Variants in AXL observed in about 807,000 individuals in gnomAD.
AXL encodes AXL receptor tyrosine kinase, also known as tyrosine-protein kinase receptor UFO.
Under a neutral mutation model 104.5 loss-of-function variants are expected in AXL, and 52 were observed. The ratio of observed to expected loss-of-function variants is 0.50; its 90% CI spans 0.40 to 0.63. The LOEUF (loss-of-function observed/expected upper bound fraction) is 0.63, where lower values mean the gene tolerates loss of function less well. Ranked by LOEUF, AXL falls within the 20% of genes least tolerant of loss-of-function variation. The pLI, the probability that AXL is intolerant of heterozygous loss-of-function variation, is 0.00. For synonymous variants in AXL, 455 were observed against 473.7 expected (o/e 0.96, Z 0.51); for missense variants, 1,024 against 1,188.5 (o/e 0.86, Z 2.04).
chr19:41,244,597 G>A (rs191904977), intron 12 of AXL, among the ~76,000 whole-genome samples: 1 of 151,484 alleles, frequency 6.6e-6, no homozygotes. Context: ...CTTATGCCTC[G>A]GCCTCCCGAA....
chr19:41,225,638 G>A (rs963078281), intron 4 of AXL, among the ~76,000 whole-genome samples: 4 of 152,158 alleles, frequency 2.6e-5, no homozygotes, highest in African/African-American at 9.7e-5. Context: ...TTTGTCCCAC[G>A]TTGGCTTGTA....
In AXL at chr19:41,239,735, ACCCC is replaced by A; in HGVS notation, c.1312+16_1312+19del. The A allele has an allele frequency of 6.2e-7, 1 of 1,613,844 alleles. No individual in the cohort carries two copies. Among genetic ancestry groups the A allele is most frequent in the Non-Finnish European group, 8.5e-7 (1 of 1,179,950 alleles). On this transcript the variant is annotated intron_variant, in intron 10 of 19. Coordinates refer to ENST00000301178, the MANE Select transcript of AXL (RefSeq NM_021913.5). The stretch of plus-strand genomic sequence containing the variant: ...CCACCAGCTGGGTAAGGGCTTCCAC[ACCCC>A]ATCTCCTCCTTCCCTACCCTCAACA...
At chr19:41,229,955 TTG>T (rs768468722) in intron 4 of AXL, among the ~76,000 whole-genome samples, 3 of 151,886 alleles carry the variant, frequency 2.0e-5, no homozygotes, top group Admixed American at 6.6e-5. Context: ...GTGTGCATGT[TTG>T]TGTGTCTCCT....
chr19:41,240,857 T>A (rs752726520), intron 10 of AXL, among the ~76,000 whole-genome samples: 1 of 152,078 alleles, frequency 6.6e-6, no homozygotes, highest in African/African-American at 2.4e-5. Flanking sequence ...TCTCCTTGCA[T>A]GCTTACTGCA....
At chr19:41,242,481 C>T (rs1327458265) in intron 10 of AXL, among the ~76,000 whole-genome samples, 1 of 151,932 alleles carries the variant, frequency 6.6e-6, no homozygotes, top group Non-Finnish European at 1.5e-5. Flanking sequence ...CACCACCACC[C>T]CAGCTAATTT....
intron 6 of AXL, among the ~76,000 whole-genome samples, chr19:41,233,513 C>T (rs2034028945): frequency 6.6e-6 from 1 of 151,524 alleles, no homozygotes. Context: ...CACCTGTAGT[C>T]CCAGATACTC....
intron 4 of AXL, among the ~76,000 whole-genome samples, chr19:41,223,446 C>A (rs1321054794): frequency 6.6e-6 from 1 of 152,140 alleles, no homozygotes; most frequent in Non-Finnish European, 1.5e-5. Flanking sequence ...CACTGGGGGA[C>A]CCTGGATTCA....
Position 41,248,559 on chromosome 19 carries a change from A to T in AXL, c.1583A>T (p.Asp528Val). The T allele has an allele frequency of 6.2e-7, 1 of 1,614,164 alleles. No individual in the cohort carries two copies. The highest frequency in any genetic ancestry group is 8.5e-7 in the Non-Finnish European group (1 of 1,180,030). ...ISEELKEKLR[D>V]VMVDRHKVAL... ...GAAGAGCTGAAGGAGAAGCTGCGGG[A>T]TGTGATGGTGGACCGGCACAAGGTG... Residue 528 changes from aspartate (D) to valine (V), a missense_variant, in exon 13 of 20, where the codon GAT becomes GTT. Asp to Val is a radical substitution (Grantham distance 152). Around this residue, in one of 5 missense-constraint regions of AXL, gnomAD observed 523 missense variants for 636.0 expected, o/e 0.82. Transcript: ENST00000301178.
At chr19:41,221,780 G>C in intron 3 of AXL, 100 bp from the exon 4 acceptor site, 1 of 1,322,874 alleles carries the variant, frequency 7.6e-7, no homozygotes, top group Non-Finnish European at 1.0e-6. Flanking sequence ...TGACCCTGCA[G>C]GGTGGGTTTG....
chr19:41,257,760 C>A (rs1386019659), intron 19 of AXL, 131 bp downstream of exon 19: 4 of 1,204,518 alleles, frequency 3.3e-6, no homozygotes, highest in Non-Finnish European at 3.5e-6. Context: ...GACCCACTTG[C>A]CCCTCACCAA....
intron 11 of AXL, 32 bp from the exon 12 acceptor site, chr19:41,243,584 C>T (rs1199876995): frequency 3.2e-6 from 5 of 1,563,630 alleles, no homozygotes; most frequent in Admixed American, 1.7e-5. Flanking sequence ...CATGGTTTTT[C>T]CCTGCCCTCA....
intron 1 of AXL, chr19:41,220,269 T>C (rs2033764458): frequency 1.0e-5 from 2 of 197,090 alleles, no homozygotes; most frequent in Non-Finnish European, 2.0e-5. Context: ...CTTATCTCTC[T>C]CCCCCAACCC....
At position 41,237,857 on chromosome 19, in the gene AXL, C is replaced by T. The variant is rs1037765875; in HGVS notation, c.784-87C>T. ...ACGCACCCTTGAAAAGTTGTGTAGT[C>T]ACACCAGACCACCACCACTGGGAGC... On this transcript the variant is annotated intron_variant, in intron 6 of 19. Coordinates refer to ENST00000301178, the MANE Select transcript of AXL (RefSeq NM_021913.5). The T allele has an allele frequency of 1.8e-5, 24 of 1,310,610 alleles. No individual in the cohort carries two copies. In the East Asian group the frequency reaches 2.1e-4, roughly 12 times the overall value. 81.2% of individuals were successfully genotyped at this position (1,310,610 alleles called of 1,614,324 possible).
In AXL at chr19:41,221,198, C is replaced by G. The variant is rs1306657565; in HGVS notation, c.361C>G (p.Leu121Val). The part of the protein sequence containing the change: ...DTGQYQCLVF[L>V]GHQTFVSQPG... Reference sequence around the variant, plus strand: ...GGGACAGTACCAGTGTTTGGTGTTTCTGGGACATCAGACCTTCGTGTCCCA... The same window carrying G: ...GGGACAGTACCAGTGTTTGGTGTTTGTGGGACATCAGACCTTCGTGTCCCA... The change falls in exon 3 of 20, where the codon CTG becomes GTG. Residue 121 changes from leucine to valine, a missense_variant. This residue lies in a region of AXL where 41 missense variants were observed against 76.2 expected (regional missense o/e 0.54). Coordinates refer to ENST00000301178, the MANE Select transcript of AXL (RefSeq NM_021913.5). 1.2e-6 allele frequency: 2 copies of G among 1,614,044 alleles called. No homozygotes were observed. The highest frequency in any genetic ancestry group is 2.2e-5 in the South Asian group (2 of 91,072).
intron 4 of AXL, among the ~76,000 whole-genome samples, chr19:41,228,861 A>G (rs978768577): frequency 6.6e-6 from 1 of 152,214 alleles, no homozygotes; most frequent in Non-Finnish European, 1.5e-5. Flanking sequence ...AAAGAGGAAA[A>G]GTAAAGCGGG....
Position 41,220,681 on chromosome 19 carries a change from T to A in AXL, c.131T>A (p.Ile44Asn). ...ESPFVGNPGNITGARGLTGTL... is the reference protein window; with the variant it reads ...ESPFVGNPGNNTGARGLTGTL... ...CCCTTCGTGGGCAACCCAGGGAATA[T>A]CACAGGTGCCCGGGGACTCACGGGC... The change falls in exon 2 of 20, where the codon ATC (isoleucine) becomes AAC (asparagine). Residue 44 changes from isoleucine to asparagine, a missense_variant. Physicochemically the swap from Ile to Asn is moderately radical, Grantham distance 149. This residue lies in a region of AXL where 124 missense variants were observed against 115.5 expected (regional missense o/e 1.07). Coordinates refer to ENST00000301178, the MANE Select transcript of AXL (RefSeq NM_021913.5). 6.2e-7 allele frequency: 1 copy of A among 1,609,376 alleles called. No homozygotes were observed. Among genetic ancestry groups the A allele is most frequent in the Non-Finnish European group, 8.5e-7 (1 of 1,177,936 alleles).
intron 6 of AXL, among the ~76,000 whole-genome samples, chr19:41,232,005 G>A (rs1439097184): frequency 6.6e-6 from 1 of 152,050 alleles, no homozygotes; most frequent in African/African-American, 2.4e-5. Flanking sequence ...TTCAGTATTA[G>A]TGATGTTAAC....
intron 3 of AXL, 99 bp downstream of exon 3, chr19:41,221,345 C>T (rs2033787871): frequency 7.6e-6 from 8 of 1,056,734 alleles, no homozygotes; most frequent in Non-Finnish European, 1.1e-5. Context: ...TCAAAGGGTG[C>T]TGGAGGATTC....
intron 19 of AXL, 114 bp from the exon 20 acceptor site, chr19:41,259,439 T>G: frequency 1.1e-6 from 1 of 875,700 alleles, no homozygotes; most frequent in East Asian, 2.7e-5. Context: ...AGGCTCCCTA[T>G]AACCCTCTAA....
Sources: gnomAD v4.1 joint callset for allele counts (sites outside exome capture counted in the v4.1 genomes callset) on GRCh38, gnomAD v4.1.1 for gene constraint, gnomAD v4.1.1 regional missense constraint, MANE v1.5 for transcripts, NCBI Gene and HGNC (gene_info 2026-07-23, HGNC 2026-07-21) for gene names.